SH2D5: variants seen among roughly 807,000 people sequenced by gnomAD.
The protein encoded by SH2D5 is SH2 domain-containing protein 5.
A neutral mutation model predicts 48.2 loss-of-function variants in SH2D5; 45 were observed. The observed-to-expected ratio is 0.93, with a 90% CI of 0.73 to 1.20. The LOEUF is 1.20. SH2D5 is among the 50% of genes most tolerant of loss of function. The pLI is 0.00. For synonymous variants in SH2D5, 230 were observed against 249.8 expected, an observed-to-expected ratio of 0.92 and a Z score of 0.75; for missense variants, 538 against 584.1, an observed-to-expected ratio of 0.92 and a Z score of 0.81.
Position 20,725,804 on chromosome 1 carries a change from G to T in SH2D5, c.390+116C>A, listed in dbSNP as rs944858228. 4.7e-6 allele frequency: 6 copies of T among 1,272,920 alleles called. No individual in the cohort carries two copies. In the South Asian group the frequency reaches 8.6e-5, roughly 18 times the overall value. The allele number at this position is 1,272,920 out of a possible 1,614,324, so 78.9% of individuals were successfully genotyped here. Reference sequence around the variant, plus strand: ...AGAAAGAGCCAATGTGGTGAGGGGTGCATGCCTGGAGGGGGATCAGGCCGC... The same window carrying T: ...AGAAAGAGCCAATGTGGTGAGGGGTTCATGCCTGGAGGGGGATCAGGCCGC... On this transcript the variant is annotated intron_variant, in intron 5 of 9. Transcript: ENST00000444387.
At position 20,726,423 on chromosome 1, in the gene SH2D5, G is replaced by A. The variant is rs145531678; in HGVS notation, c.244-357C>T. Among the ~76,000 whole-genome samples the A allele has an allele frequency of 3.8e-4, 58 of 152,302 alleles. No individual in the cohort carries two copies. The East Asian group carries it at 5.6e-3, about 15-fold the overall frequency. On this transcript the variant is annotated intron_variant, in intron 4 of 9. Coordinates refer to ENST00000444387, the MANE Select transcript of SH2D5 (RefSeq NM_001103161.2). ...AGGTAGGGAGATATGAGGGCCTCTCGATAGGGCTGTAGGTGGGGATCAGTG... is the reference window on the plus strand; with the variant it reads ...AGGTAGGGAGATATGAGGGCCTCTCAATAGGGCTGTAGGTGGGGATCAGTG...
At chr1:20,727,877 C>T (rs2054833125) in intron 2 of SH2D5, 81 bp downstream of exon 2, 3 of 1,153,704 alleles carry the variant, frequency 2.6e-6, no homozygotes, top group African/African-American at 1.5e-5. Flanking sequence ...GGTCCTAGGC[C>T]CGCAGCACTT....
At chr1:20,725,651 G>A (rs1033564227) in intron 5 of SH2D5, among the ~76,000 whole-genome samples, 11 of 152,220 alleles carry the variant, frequency 7.2e-5, no homozygotes, top group Admixed American at 3.3e-4. Flanking sequence ...CAGACAGAAC[G>A]GCATGAGCGA....
chr1:20,720,540 C>T lies in SH2D5; in HGVS notation c.*1252G>A, dbSNP rs1009489077. On this transcript the variant is annotated 3_prime_UTR_variant, in exon 10 of 10. Coordinates refer to ENST00000444387, the MANE Select transcript of SH2D5 (RefSeq NM_001103161.2). Reference sequence around the variant, plus strand: ...ACGGGGAGAGGGCAGCCCCCAGGCTCATGACGTGGCTTCTGCTTCAATAAG... The same window carrying T: ...ACGGGGAGAGGGCAGCCCCCAGGCTTATGACGTGGCTTCTGCTTCAATAAG... 6.6e-6 allele frequency: 1 copy of T among 152,292 alleles called. No homozygotes were observed. Among genetic ancestry groups the T allele is most frequent in the African/African-American group, 2.4e-5 (1 of 41,472 alleles). 9.4% of individuals were successfully genotyped at this position (152,292 alleles called of 1,614,324 possible).
rs138233316 is a variant in SH2D5 at position 20,730,456 on chromosome 1, A to G, written c.-43+1725T>C. Among the ~76,000 whole-genome samples the G allele has an allele frequency of 1.6e-3, 243 of 152,244 alleles. 1 individual carries two copies. Among genetic ancestry groups the G allele is most frequent in the African/African-American group, 5.6e-3 (233 of 41,552 alleles). ...CAAAGCTGCAGCTTTCAGCGTCCCC[A>G]GTGTCCCAGCGGTGGGGGTGCAGAG... is the stretch of plus-strand genomic sequence containing the variant. On this transcript the variant is annotated intron_variant, in intron 1 of 9. Coordinates refer to ENST00000444387, the MANE Select transcript of SH2D5 (RefSeq NM_001103161.2).
intron 8 of SH2D5, among the ~76,000 whole-genome samples, 194 bp from the exon 9 acceptor site, chr1:20,723,109 A>C (rs1376371389): frequency 1.3e-5 from 2 of 152,154 alleles, no homozygotes; most frequent in African/African-American, 2.4e-5. Flanking sequence ...TGAGCACAGG[A>C]GTTTGAGGCT....
rs193005891 is a variant in SH2D5, at chr1:20,721,408, C to T, written c.*384G>A. ...CCTCTTTCTGGAGACTCCCAGTCAGCGCCCCAAGGCCTAGCCTCCTTAGGA... is the reference window on the plus strand; with the variant it reads ...CCTCTTTCTGGAGACTCCCAGTCAGTGCCCCAAGGCCTAGCCTCCTTAGGA... On this transcript the variant is annotated 3_prime_UTR_variant, in exon 10 of 10. Coordinates refer to ENST00000444387, the MANE Select transcript of SH2D5 (RefSeq NM_001103161.2). 2.2e-3 allele frequency: 441 copies of T among 197,814 alleles called. 4 individuals carry two copies. The highest frequency in any genetic ancestry group is 9.6e-3 in the African/African-American group (415 of 43,366). 12.3% of individuals were successfully genotyped at this position (197,814 alleles called of 1,614,324 possible). A position where few individuals can be genotyped will look rare whatever the true frequency, so the allele number is the denominator to read the frequency against.
intron 4 of SH2D5, 43 bp from the exon 5 acceptor site, chr1:20,726,109 C>A (rs747444734): frequency 4.5e-6 from 7 of 1,548,106 alleles, no homozygotes; most frequent in Non-Finnish European, 6.1e-6. Context: ...ACCCACCGGG[C>A]AGCCCCACCC....
intron 9 of SH2D5, 66 bp from the exon 10 acceptor site, chr1:20,722,061 C>T (rs1236303078): frequency 2.4e-5 from 35 of 1,473,562 alleles, no homozygotes; most frequent in Non-Finnish European, 2.7e-5. Flanking sequence ...ACCAGCCACC[C>T]GCTCCCACAG....
In SH2D5 at chr1:20,727,843, T is replaced by G. The variant is rs1285204558; in HGVS notation, c.87+115A>C. The stretch of plus-strand genomic sequence containing the variant: ...GCACACACACACTCCCCAGCCCAAG[T>G]CAGGCAAGAAAGAGGTGGAAATAGG... On this transcript the variant is annotated intron_variant, in intron 2 of 9. Transcript: ENST00000444387. 9.1e-6 allele frequency: 9 copies of G among 984,232 alleles called. No homozygotes were observed. The East Asian group carries it at 2.1e-4, about 23-fold the overall frequency. The allele number at this position is 984,232 out of a possible 1,614,324, so 61.0% of individuals were successfully genotyped here.
intron 5 of SH2D5, among the ~76,000 whole-genome samples, chr1:20,725,199 A>G (rs1390304615): frequency 6.6e-6 from 1 of 152,222 alleles, no homozygotes; most frequent in African/African-American, 2.4e-5. Context: ...CACACACACC[A>G]TCCAGACCCA....
intron 8 of SH2D5, among the ~76,000 whole-genome samples, chr1:20,723,156 G>A (rs1217795963): frequency 6.6e-6 from 1 of 152,206 alleles, no homozygotes; most frequent in Non-Finnish European, 1.5e-5. Flanking sequence ...ACTTCAGCAC[G>A]GGTGACAGAA....
In SH2D5 at chr1:20,727,074, T is replaced by C. The variant is rs2054815803; in HGVS notation, c.170A>G (p.Asp57Gly). Residue 57 changes from aspartate (D) to glycine (G), a missense_variant and splice_region_variant, in exon 4 of 10, where the codon GAC becomes GGC. Physicochemically the swap from Asp to Gly is moderately conservative, Grantham distance 94. Transcript: ENST00000444387. ...LVQQQLWALK[D>G]CPRRRAVILK... is the part of the protein sequence containing the mutation. Reference sequence around the variant, plus strand: ...GATGACGGCCCGGCGTCGGGGACAGTCCTGGGTGGAAAAGAGTAGTGGGGA... The same window carrying C: ...GATGACGGCCCGGCGTCGGGGACAGCCCTGGGTGGAAAAGAGTAGTGGGGA... The C allele has an allele frequency of 6.2e-7, 1 of 1,610,212 alleles. No homozygotes were observed. Among genetic ancestry groups the C allele is most frequent in the Non-Finnish European group, 8.5e-7 (1 of 1,178,286 alleles).
At chr1:20,723,080 C>A (rs1345218827) in intron 8 of SH2D5, among the ~76,000 whole-genome samples, 165 bp from the exon 9 acceptor site, 2 of 152,216 alleles carry the variant, frequency 1.3e-5, no homozygotes, top group African/African-American at 4.8e-5. Flanking sequence ...CTTTGGGAGG[C>A]CCAGGCAGGA....
In SH2D5 at chr1:20,720,260, A is replaced by C. The variant is rs1231985458; in HGVS notation, c.*1532T>G. The C allele has an allele frequency of 6.6e-6, 1 of 152,300 alleles. No individual in the cohort carries two copies. Among genetic ancestry groups the C allele is most frequent in the African/African-American group, 2.4e-5 (1 of 41,470 alleles). The allele number at this position is 152,300 out of a possible 1,614,324, so 9.4% of individuals were successfully genotyped here. Reference sequence around the variant, plus strand: ...GGGTTTCCAGTGAAAAGAAGTCCCAAAGGGCAGTTCCTTCTATCTTTTGTG... The same window carrying C: ...GGGTTTCCAGTGAAAAGAAGTCCCACAGGGCAGTTCCTTCTATCTTTTGTG... On this transcript the variant is annotated 3_prime_UTR_variant, in exon 10 of 10. Coordinates refer to ENST00000444387, the MANE Select transcript of SH2D5 (RefSeq NM_001103161.2).
At chr1:20,727,495 T>G in intron 3 of SH2D5, 28 bp downstream of exon 3, 1 of 1,573,982 alleles carries the variant, frequency 6.4e-7, no homozygotes, top group Middle Eastern at 1.7e-4. Context: ...TGACTTCCAC[T>G]AGGGAAGTGC....
At chr1:20,727,677 C>T in intron 2 of SH2D5, 74 bp from the exon 3 acceptor site, 1 of 1,329,874 alleles carries the variant, frequency 7.5e-7, no homozygotes, top group South Asian at 1.3e-5. Flanking sequence ...CTCCAAATTC[C>T]CCCCAAACAC....
Position 20,728,174 on chromosome 1 carries a change from A to G in SH2D5, c.-42-88T>C. On this transcript the variant is annotated intron_variant, in intron 1 of 9. Transcript: ENST00000444387. This position sits in a 1 kb window ranked among gnomAD's most constrained non-coding sequence, Gnocchi z 4.3. Reference sequence around the variant, plus strand: ...AGGCCATTCATTCACTGGCTTCCTGAGCAGCTGCTATGTGTGCAGCACGGC... The same window carrying G: ...AGGCCATTCATTCACTGGCTTCCTGGGCAGCTGCTATGTGTGCAGCACGGC... The G allele has an allele frequency of 3.0e-6, 2 of 658,992 alleles. No individual in the cohort carries two copies. The highest frequency in any genetic ancestry group is 5.2e-6 in the Non-Finnish European group (2 of 383,044). 40.8% of individuals were successfully genotyped at this position (658,992 alleles called of 1,614,324 possible). A position where few individuals can be genotyped will look rare whatever the true frequency, so the allele number is the denominator to read the frequency against.
At chr1:20,730,205 G>A (rs975101777) in intron 1 of SH2D5, among the ~76,000 whole-genome samples, 7 of 152,048 alleles carry the variant, frequency 4.6e-5, no homozygotes, top group South Asian at 2.1e-4. Context: ...AGGGGTGGCC[G>A]GGGACAGAGG....
Sources: gnomAD v4.1 joint callset for allele counts (sites outside exome capture counted in the v4.1 genomes callset) on GRCh38, gnomAD v4.1.1 for gene constraint, Gnocchi (gnomAD v3.1) non-coding constraint, MANE v1.5 for transcripts, NCBI Gene and HGNC (gene_info 2026-07-23, HGNC 2026-07-21) for gene names.